The following FRRS1 variants were observed in gnomAD, a reference collection of about 807,000 sequenced individuals.
The protein encoded by FRRS1 is ferric chelate reductase 1.
In FRRS1, 51 loss-of-function variants were observed where a neutral mutation model predicts 70.7. That is an observed-to-expected ratio of 0.72 (90% CI 0.58 to 0.91). FRRS1 has a LOEUF of 0.91. FRRS1 is among the 40% of genes least tolerant of loss of function. The pLI is 0.00. For missense variants in FRRS1, 672 were observed against 726.0 expected, an observed-to-expected ratio of 0.93 and a Z score of 0.86; for synonymous variants, 225 against 238.7, an observed-to-expected ratio of 0.94 and a Z score of 0.53.
chr1:99,745,882 T>TC (rs964408666), intron 4 of FRRS1, among the ~76,000 whole-genome samples: 31 of 151,498 alleles, frequency 2.0e-4, no homozygotes, highest in Non-Finnish European at 2.5e-4. Context: ...ATGTGGCACC[T>TC]CCCCCCCCAC....
At chr1:99,724,277 C>T (rs552635666) in intron 9 of FRRS1, among the ~76,000 whole-genome samples, 4 of 152,160 alleles carry the variant, frequency 2.6e-5, no homozygotes, top group Non-Finnish European at 4.4e-5. Flanking sequence ...CTACAGTATT[C>T]CTAAATTCTT....
At chr1:99,759,039 C>A (rs1656987584) in intron 1 of FRRS1, among the ~76,000 whole-genome samples, 1 of 152,188 alleles carries the variant, frequency 6.6e-6, no homozygotes, top group South Asian at 2.1e-4. Context: ...AGATGTTTAT[C>A]AAGACAATAC....
intron 7 of FRRS1, among the ~76,000 whole-genome samples, chr1:99,733,852 G>GT (rs1175537039): frequency 6.6e-6 from 1 of 152,126 alleles, no homozygotes; most frequent in Non-Finnish European, 1.5e-5. Flanking sequence ...CAGACTCAAA[G>GT]TATCATCCCA....
At chr1:99,714,517 GTA>G (rs1654427026) in intron 12 of FRRS1, among the ~76,000 whole-genome samples, 1 of 152,144 alleles carries the variant, frequency 6.6e-6, no homozygotes, top group Non-Finnish European at 1.5e-5. Context: ...TGTCTTCTTT[GTA>G]GAAAATAGAT....
chr1:99,742,662 A>G (rs540855217), intron 4 of FRRS1, among the ~76,000 whole-genome samples: 2 of 152,348 alleles, frequency 1.3e-5, no homozygotes, highest in East Asian at 3.9e-4. Context: ...ACGTAGCATG[A>G]TATTTTAGTC....
chr1:99,741,984 T>C (rs1011518819), intron 5 of FRRS1, among the ~76,000 whole-genome samples, 195 bp downstream of exon 5: 1 of 152,240 alleles, frequency 6.6e-6, no homozygotes, highest in Non-Finnish European at 1.5e-5. Flanking sequence ...AGACTAATTA[T>C]GGTTTCAATT....
intron 8 of FRRS1, 57 bp downstream of exon 8, chr1:99,729,593 G>T (rs1477659479): frequency 5.6e-6 from 6 of 1,071,278 alleles, no homozygotes; most frequent in African/African-American, 4.6e-5. Flanking sequence ...GCCAGTGATA[G>T]CCACACAGCC....
chr1:99,731,759 T>G (rs1175980699), intron 7 of FRRS1, among the ~76,000 whole-genome samples: 1 of 152,234 alleles, frequency 6.6e-6, no homozygotes, highest in Non-Finnish European at 1.5e-5. Flanking sequence ...ACAGAGACCA[T>G]ATTGCCCACG....
chr1:99,733,592 T>G (rs958460226), intron 7 of FRRS1, among the ~76,000 whole-genome samples: 1 of 152,176 alleles, frequency 6.6e-6, no homozygotes, highest in Non-Finnish European at 1.5e-5. Context: ...AGTATGACCC[T>G]GTGAAAGAAT....
chr1:99,762,467 CTT>C (rs1216418213), intron 1 of FRRS1, among the ~76,000 whole-genome samples: 2 of 146,124 alleles, frequency 1.4e-5, no homozygotes, highest in Non-Finnish European at 3.0e-5. Flanking sequence ...TTCTTTCTTT[CTT>C]TTTTTTTCCC....
At chr1:99,746,272 C>T (rs1439469532) in intron 4 of FRRS1, among the ~76,000 whole-genome samples, 3 of 152,050 alleles carry the variant, frequency 2.0e-5, no homozygotes, top group African/African-American at 4.8e-5. Flanking sequence ...ACACAGTACT[C>T]GATGGAAACG....
At chr1:99,757,080 CT>C (rs58835632) in intron 1 of FRRS1, among the ~76,000 whole-genome samples, 16,745 of 141,702 alleles carry the variant, frequency 0.12, 2,680 homozygotes, top group African/African-American at 0.37. Context: ...AAAAGGGTCT[CT>C]TTTTTTTTTT....
intron 4 of FRRS1, among the ~76,000 whole-genome samples, chr1:99,745,530 A>C (rs1223527825): frequency 6.6e-6 from 1 of 152,022 alleles, no homozygotes; most frequent in East Asian, 1.9e-4. Context: ...CTAAAAATAC[A>C]AAAATTAGCC....
rs1248337196 is a variant in FRRS1, at chr1:99,719,643, T to C, written c.1011A>G (p.Arg337=). The C allele has an allele frequency of 6.5e-7, 1 of 1,534,418 alleles. No individual in the cohort carries two copies. Among genetic ancestry groups the C allele is most frequent in the Non-Finnish European group, 9.0e-7 (1 of 1,112,332 alleles). The part of the protein sequence containing the change: ...FLADGAANDG[R]IYKHSQQPLI... ...AAGGTTGCTGAGAGTGCTTGTAAAT[T>C]CGACCTGCAAATTAAAAACAAAATT... Residue 337 remains arginine (R), a synonymous_variant, in exon 10 of 17, where the codon CGA becomes CGG. Transcript: ENST00000646001.
chr1:99,724,810 C>T (rs1474537473), intron 9 of FRRS1, among the ~76,000 whole-genome samples: 1 of 151,342 alleles, frequency 6.6e-6, no homozygotes, highest in African/African-American at 2.4e-5. Context: ...AAAAAATTAG[C>T]TTGTGCTGCA....
At chr1:99,717,023 T>C (rs189822333) in intron 11 of FRRS1, among the ~76,000 whole-genome samples, 58 of 152,328 alleles carry the variant, frequency 3.8e-4, no homozygotes, top group African/African-American at 1.4e-3. Flanking sequence ...GCCCCCACTA[T>C]TTCTTTCTTC....
intron 9 of FRRS1, among the ~76,000 whole-genome samples, chr1:99,726,971 T>C (rs895394047): frequency 6.6e-6 from 1 of 152,222 alleles, no homozygotes; most frequent in Admixed American, 6.5e-5. Flanking sequence ...TGTCTGGATC[T>C]TTCAAAGTGC....
At chr1:99,714,418 G>A (rs1020210789) in intron 12 of FRRS1, among the ~76,000 whole-genome samples, 1 of 152,050 alleles carries the variant, frequency 6.6e-6, no homozygotes, top group Non-Finnish European at 1.5e-5. Context: ...TCCTGACCTC[G>A]TGATCTGCCT....
Position 99,740,868 on chromosome 1 carries a change from T to C in FRRS1, c.501A>G (p.Ala167=). The C allele has an allele frequency of 6.2e-7, 1 of 1,611,678 alleles. No individual in the cohort carries two copies. Among genetic ancestry groups the C allele is most frequent in the Non-Finnish European group, 8.5e-7 (1 of 1,177,736 alleles). ...TAGCTTTAGGTGTTGTAAAAGGAAATGCATTTGGTTGTGAAATTATAGGAC... is the reference window on the plus strand; with the variant it reads ...TAGCTTTAGGTGTTGTAAAAGGAAACGCATTTGGTTGTGAAATTATAGGAC... ...IPGPIISQPN[A]FPFTTPKATV... Residue 167 remains alanine (A), a synonymous_variant, in exon 6 of 17, where the codon GCA becomes GCG. Coordinates refer to ENST00000646001, the MANE Select transcript of FRRS1 (RefSeq NM_001361041.2).
Sources: gnomAD v4.1 joint callset for allele counts (sites outside exome capture counted in the v4.1 genomes callset) on GRCh38, gnomAD v4.1.1 for gene constraint, MANE v1.5 for transcripts, NCBI Gene and HGNC (gene_info 2026-07-23, HGNC 2026-07-21) for gene names.